The following EIF2S3 variants were observed in gnomAD, a reference collection of about 807,000 sequenced individuals.
EIF2S3 encodes eukaryotic translation initiation factor 2 subunit gamma.
EIF2S3 carries 2 observed loss-of-function variants against 31.7 expected under a neutral mutation model. That is an observed-to-expected ratio of 0.06 (90% CI 0.03 to 0.20). The LOEUF is 0.20. Among genes scored for constraint, EIF2S3 ranks in the 10% least tolerant of loss-of-function variants. The pLI is 1.00. For missense variants in EIF2S3, 96 were observed against 359.3 expected (o/e 0.27, Z 5.92); for synonymous variants, 120 against 126.7 (o/e 0.95, Z 0.36).
intron 5 of EIF2S3, among the ~76,000 whole-genome samples, chrX:24,061,540 CAG>C (rs1930493295): frequency 1.8e-5 from 2 of 109,106 alleles, no homozygotes; most frequent in Non-Finnish European, 3.8e-5. Flanking sequence ...GCCTGGGTGA[CAG>C]AGACAGAGTG....
chrX:24,078,685 A>C lies in EIF2S3; in HGVS notation c.*1900A>C, dbSNP rs1437291429. Among the ~76,000 whole-genome samples, 1 of 112,136 alleles carries C rather than the reference A, an allele frequency of 8.9e-6. No homozygotes were observed. Among genetic ancestry groups the C allele is most frequent in the Non-Finnish European group, 1.9e-5 (1 of 53,285 alleles). ...TGAAGTTGCATTGTAGAAGTTTAGAAGCTCTGGCTATGGGTTGCCTAAATT... is the reference window on the plus strand; with the variant it reads ...TGAAGTTGCATTGTAGAAGTTTAGACGCTCTGGCTATGGGTTGCCTAAATT... On this transcript the variant is annotated 3_prime_UTR_variant, in exon 12 of 12. Transcript: ENST00000253039.
At chrX:24,055,716 C>T (rs1362212059) in intron 2 of EIF2S3, 38 bp downstream of exon 2, 2 of 1,154,391 alleles carry the variant, frequency 1.7e-6, no homozygotes, top group African/African-American at 3.6e-5. Context: ...TGGTCTCCAA[C>T]AATTAATTTT....
At chrX:24,064,894 G>T (rs1930548051) in intron 7 of EIF2S3, among the ~76,000 whole-genome samples, 1 of 112,109 alleles carries the variant, frequency 8.9e-6, no homozygotes, top group Admixed American at 9.5e-5. Context: ...TCAAGATGGA[G>T]TAATACAGTA....
intron 1 of EIF2S3, 105 bp from the exon 2 acceptor site, chrX:24,055,510 G>A: frequency 1.3e-6 from 1 of 788,251 alleles, no homozygotes; most frequent in Non-Finnish European, 1.9e-6. Context: ...TAGAAGTAGT[G>A]GAAAGCTGTG....
At chrX:24,060,746 G>T in intron 5 of EIF2S3, among the ~76,000 whole-genome samples, 1 of 108,865 alleles carries the variant, frequency 9.2e-6, no homozygotes, top group Non-Finnish European at 1.9e-5. Context: ...CGGATCACCT[G>T]AGGTCAGGAG....
At chrX:24,059,698 C>T (rs1930462523) in intron 4 of EIF2S3, among the ~76,000 whole-genome samples, 1 of 112,291 alleles carries the variant, frequency 8.9e-6, no homozygotes, top group East Asian at 2.8e-4. Context: ...GCTGGGATTA[C>T]AGGTGTGAGC....
chrX:24,070,202 A>T (rs1418240521), intron 9 of EIF2S3, among the ~76,000 whole-genome samples: 2 of 106,767 alleles, frequency 1.9e-5, no homozygotes, highest in Non-Finnish European at 3.9e-5. Context: ...CAAAAAAAAA[A>T]AAAAATTTAG....
rs940970912 is a variant in EIF2S3 at position 24,055,096 on chromosome X, C to T, written c.69+59C>T. On this transcript the variant is annotated intron_variant, in intron 1 of 11. Coordinates refer to ENST00000253039, the MANE Select transcript of EIF2S3 (RefSeq NM_001415.4). ...CTCAGGAGTGGAGGTGACCGAGCCT[C>T]CCGGTGGTATTGGGACTAGTCAGTG... is the stretch of plus-strand genomic sequence containing the variant. The T allele has an allele frequency of 9.5e-6, 11 of 1,153,489 alleles. No homozygotes were observed. In the Admixed American group the frequency reaches 1.1e-4, roughly 12 times the overall value.
rs765213766 is a variant in EIF2S3, at chrX:24,074,618, G to T, written c.1355+1355G>T. Among the ~76,000 whole-genome samples the T allele has an allele frequency of 2.7e-5, 3 of 110,432 alleles. No homozygotes were observed. The South Asian group carries it at 1.1e-3, about 42-fold the overall frequency. ...TTACAAAATCATAGCACCTCTACGG[G>T]TTGCAGTATCCTCCCTCAACTCTAC... On this transcript the variant is annotated intron_variant, in intron 11 of 11. Coordinates refer to ENST00000253039, the MANE Select transcript of EIF2S3 (RefSeq NM_001415.4).
chrX:24,070,359 C>G lies in EIF2S3; in HGVS notation c.1013-1199C>G, dbSNP rs1313128888. 3.7e-5 allele frequency among the ~76,000 whole-genome samples: 4 copies of G among 107,581 alleles called. No homozygotes were observed. In the Admixed American group the frequency reaches 4.0e-4, roughly 11 times the overall value. 93.4% of individuals were successfully genotyped at this position (107,581 alleles called of 115,157 possible). On this transcript the variant is annotated intron_variant, in intron 9 of 11. Coordinates refer to ENST00000253039, the MANE Select transcript of EIF2S3 (RefSeq NM_001415.4). ...AAAAGTTTTCCCAATCAATCTTGCT[C>G]CATCTATATATCTTCTTTCCCCTAC...
At chrX:24,073,029 C>T in intron 10 of EIF2S3, 62 bp from the exon 11 acceptor site, 1 of 1,105,460 alleles carries the variant, frequency 9.0e-7, no homozygotes, top group Non-Finnish European at 1.2e-6. Flanking sequence ...TAAATTCTTA[C>T]TTACATTTGG....
rs879230822 is a variant in EIF2S3, at chrX:24,076,926, C to CTT, written c.*161_*162dup. ...TAGTAGGTAACGGTAAGGTTATTCTCTTTTTTTTTTTTTTTTTTTTTGGTT... is the reference window on the plus strand; with the variant it reads ...TAGTAGGTAACGGTAAGGTTATTCTCTTTTTTTTTTTTTTTTTTTTTTTGGTT... On this transcript the variant is annotated 3_prime_UTR_variant, in exon 12 of 12. Coordinates refer to ENST00000253039, the MANE Select transcript of EIF2S3 (RefSeq NM_001415.4). 170 of 179,581 alleles carry CTT rather than the reference C, an allele frequency of 9.5e-4. No individual in the cohort carries two copies. Among genetic ancestry groups the CTT allele is most frequent in the African/African-American group, 3.2e-3 (60 of 18,575 alleles). 14.8% of individuals were successfully genotyped at this position (179,581 alleles called of 1,213,427 possible).
In EIF2S3 at chrX:24,078,669, A is replaced by G. The variant is rs1355429284; in HGVS notation, c.*1884A>G. 8.9e-6 allele frequency among the ~76,000 whole-genome samples: 1 copy of G among 112,201 alleles called. No individual in the cohort carries two copies. ...GTGCTCTTGTGAATGTTGAAGTTGC[A>G]TTGTAGAAGTTTAGAAGCTCTGGCT... On this transcript the variant is annotated 3_prime_UTR_variant, in exon 12 of 12. Transcript: ENST00000253039.
chrX:24,062,271 A>C, intron 5 of EIF2S3, 145 bp from the exon 6 acceptor site: 1 of 557,882 alleles, frequency 1.8e-6, no homozygotes, highest in Non-Finnish European at 2.8e-6. Context: ...AGGAAACCCC[A>C]TGCCCATGAA....
Position 24,077,769 on chromosome X carries a change from G to A in EIF2S3, c.*984G>A, listed in dbSNP as rs1201458520. On this transcript the variant is annotated 3_prime_UTR_variant, in exon 12 of 12. Coordinates refer to ENST00000253039, the MANE Select transcript of EIF2S3 (RefSeq NM_001415.4). ...GTGATGCCTTGAGATTTTTTTCTGCGTTGTTTAATGCCTGAAATCCAAGTC... is the reference window on the plus strand; with the variant it reads ...GTGATGCCTTGAGATTTTTTTCTGCATTGTTTAATGCCTGAAATCCAAGTC... 2 of 111,645 alleles carry A rather than the reference G, an allele frequency of 1.8e-5. No homozygotes were observed. The highest frequency in any genetic ancestry group is 3.7e-4 in the South Asian group (1 of 2,728). The allele number at this position is 111,645 out of a possible 1,213,427, so 9.2% of individuals were successfully genotyped here. A position where few individuals can be genotyped will look rare whatever the true frequency, so the allele number is the denominator to read the frequency against.
chrX:24,060,192 T>C lies in EIF2S3; in HGVS notation c.478+10T>C. On this transcript the variant is annotated intron_variant, in intron 5 of 11. Coordinates refer to ENST00000253039, the MANE Select transcript of EIF2S3 (RefSeq NM_001415.4). ...GCTCTTCTGTTGATAGGTAAATACC[T>C]CACAATTGGTTTGGACAAATCAATG... is the stretch of plus-strand genomic sequence containing the variant. The C allele has an allele frequency of 8.4e-7, 1 of 1,184,340 alleles. No homozygotes were observed. Among genetic ancestry groups the C allele is most frequent in the Non-Finnish European group, 1.1e-6 (1 of 870,405 alleles).
chrX:24,068,253 G>A (rs1343260792), intron 9 of EIF2S3, 145 bp downstream of exon 9: 1 of 550,167 alleles, frequency 1.8e-6, no homozygotes, highest in Non-Finnish European at 2.7e-6. Context: ...ATGTGGTTAA[G>A]CTCTTGTTTT....
chrX:24,055,449 A>G (rs1277913177), intron 1 of EIF2S3, among the ~76,000 whole-genome samples, 166 bp from the exon 2 acceptor site: 1 of 111,763 alleles, frequency 8.9e-6, no homozygotes, highest in African/African-American at 3.3e-5. Flanking sequence ...AGGGCTCTTA[A>G]CAGCTTCCCA....
chrX:24,063,725 T>A (rs1027993475), intron 6 of EIF2S3, among the ~76,000 whole-genome samples: 1 of 110,170 alleles, frequency 9.1e-6, no homozygotes, highest in Non-Finnish European at 1.9e-5. Context: ...CAACAAGCCG[T>A]GATTATGCCA....
Sources: allele counts gnomAD v4.1 joint callset (sites outside exome capture counted in the v4.1 genomes callset), GRCh38; gene constraint gnomAD v4.1.1; transcripts MANE v1.5; gene names NCBI Gene and HGNC (gene_info 2026-07-23, HGNC 2026-07-21).